The following RBP4 variants were observed in gnomAD, a reference collection of about 807,000 sequenced individuals.
RBP4 encodes retinol binding protein 4.
In RBP4, 9 loss-of-function variants were observed where a neutral mutation model predicts 26.2. The observed-to-expected ratio is 0.34, with a 90% CI of 0.21 to 0.60. The LOEUF is 0.60. Ranked by LOEUF, RBP4 falls within the 20% of genes least tolerant of loss-of-function variation. RBP4 has a pLI of 0.80. For synonymous variants in RBP4, 114 were observed against 111.0 expected (o/e 1.03, Z -0.17); for missense variants, 244 against 271.3 (o/e 0.90, Z 0.71).
chr10:93,601,743 A>T (rs901259584), upstream of RBP4: 1 of 773,388 alleles, frequency 1.3e-6, no homozygotes, highest in African/African-American at 1.7e-5. Context: ...TTTATAAAGG[A>T]TGTATTTTAC....
At chr10:93,600,251 G>A in intron 4 of RBP4, 142 bp downstream of exon 4, 3 of 763,024 alleles carry the variant, frequency 3.9e-6, no homozygotes, top group East Asian at 2.6e-5. Flanking sequence ...CTAACCTCAG[G>A]TGGTGCTGCG....
intron 5 of RBP4, among the ~76,000 whole-genome samples, chr10:93,593,307 A>G (rs2058278969): frequency 6.6e-6 from 1 of 151,886 alleles, no homozygotes; most frequent in South Asian, 2.1e-4. Flanking sequence ...GAATCTCAAA[A>G]CCCCCAACTG....
intron 5 of RBP4, among the ~76,000 whole-genome samples, chr10:93,592,709 T>G (rs1182952639): frequency 6.6e-6 from 1 of 152,186 alleles, no homozygotes; most frequent in Non-Finnish European, 1.5e-5. Flanking sequence ...TACATTTAAT[T>G]TTGAAGGGTG....
At chr10:93,599,458 A>C (rs2058322092) in intron 4 of RBP4, among the ~76,000 whole-genome samples, 1 of 152,126 alleles carries the variant, frequency 6.6e-6, no homozygotes, top group South Asian at 2.1e-4. Flanking sequence ...GAAGAGCTCA[A>C]ACAATACTTT....
At position 93,600,270 on chromosome 10, in the gene RBP4, A is replaced by C. The variant is rs36014035; in HGVS notation, c.355+123T>G. 326,935 of 871,908 alleles carry C rather than the reference A, an allele frequency of 0.37. 64,371 individuals are homozygous for C. The highest frequency in any genetic ancestry group is 0.48 in the Middle Eastern group (2,237 of 4,676). 54.0% of individuals were successfully genotyped at this position (871,908 alleles called of 1,614,324 possible). On this transcript the variant is annotated intron_variant, in intron 4 of 5. Coordinates refer to ENST00000371464, the MANE Select transcript of RBP4 (RefSeq NM_006744.4). ...CCTCAGGTGGTGCTGCGGGTTCCTG[A>C]CACTTCCAGACCTTTCCGCAGGCCA...
chr10:93,592,539 A>G (rs2058274008), intron 5 of RBP4, among the ~76,000 whole-genome samples: 1 of 152,150 alleles, frequency 6.6e-6, no homozygotes, highest in Non-Finnish European at 1.5e-5. Context: ...GGCACAAGGG[A>G]CTTCAGAGTC....
chr10:93,599,247 TA>T (rs1034604837), intron 4 of RBP4, among the ~76,000 whole-genome samples: 13 of 144,098 alleles, frequency 9.0e-5, no homozygotes, highest in East Asian at 2.0e-4. Context: ...ACCCTGTCTC[TA>T]AAAAAAAAAT....
chr10:93,591,709 A>C lies in RBP4; in HGVS notation c.*366T>G, dbSNP rs1387117348. On this transcript the variant is annotated 3_prime_UTR_variant, in exon 6 of 6. Coordinates refer to ENST00000371464, the MANE Select transcript of RBP4 (RefSeq NM_006744.4). Reference sequence around the variant, plus strand: ...TTTCAGGAAGTTGGGAGAAGCCAGTATTTAATAATGGAGATTAGGCACTAG... The same window carrying C: ...TTTCAGGAAGTTGGGAGAAGCCAGTCTTTAATAATGGAGATTAGGCACTAG... 1.4e-5 allele frequency: 3 copies of C among 216,926 alleles called. No homozygotes were observed. Among genetic ancestry groups the C allele is most frequent in the Non-Finnish European group, 2.8e-5 (3 of 108,140 alleles). The allele number at this position is 216,926 out of a possible 1,614,324, so 13.4% of individuals were successfully genotyped here.
At chr10:93,601,433 G>A, upstream of RBP4, 1 of 1,203,860 alleles carries the variant, frequency 8.3e-7, no homozygotes, top group Non-Finnish European at 1.1e-6. Context: ...ACAGTGGAGC[G>A]GCCGCGCGGG....
intron 5 of RBP4, 106 bp downstream of exon 5, chr10:93,593,717 T>G: frequency 7.5e-7 from 1 of 1,334,644 alleles, no homozygotes; most frequent in Non-Finnish European, 1.1e-6. Context: ...AGAACCCCTG[T>G]TTTCTCTGGG....
At chr10:93,601,092 C>T (rs2058335474) in intron 1 of RBP4, 46 bp from the exon 2 acceptor site, 1 of 1,578,126 alleles carries the variant, frequency 6.3e-7, no homozygotes, top group African/African-American at 1.4e-5. Context: ...CGACCCCCGC[C>T]GCCGTATCCC....
At chr10:93,601,684 G>C (rs765796139), upstream of RBP4, 3 of 779,104 alleles carry the variant, frequency 3.9e-6, 1 homozygote, top group South Asian at 4.0e-5. Flanking sequence ...GCCTTCTGAG[G>C]TCCACTTGTG....
chr10:93,600,978 G>A lies in RBP4; in HGVS notation c.51C>T (p.Arg17=). 1.2e-6 allele frequency: 2 copies of A among 1,612,302 alleles called. No individual in the cohort carries two copies. Among genetic ancestry groups the A allele is most frequent in the Non-Finnish European group, 1.7e-6 (2 of 1,179,736 alleles). Residue 17 remains arginine, a synonymous_variant, in exon 2 of 6, where the codon CGC becomes CGT. Transcript: ENST00000371464. The part of the protein sequence containing the change: ...LLLLAALGSG[R]AERDCRVSSF... ...TGCTCACTCGGCAGTCGCGCTCCGC[G>A]CGGCCGCTGCCCAGCGCCGCCAACA...
chr10:93,601,368 C>A (rs2058338492), upstream of RBP4: 1 of 1,248,828 alleles, frequency 8.0e-7, no homozygotes, highest in Non-Finnish European at 1.0e-6. Context: ...TCACCGGAGC[C>A]CGGGCACGGG....
At chr10:93,596,418 T>A (rs1277647973) in intron 4 of RBP4, among the ~76,000 whole-genome samples, 2 of 152,150 alleles carry the variant, frequency 1.3e-5, no homozygotes, top group African/African-American at 4.8e-5. Context: ...CTCTCCCTTT[T>A]AAGAGTATTT....
At chr10:93,593,734 A>G in intron 5 of RBP4, 89 bp downstream of exon 5, 1 of 1,434,028 alleles carries the variant, frequency 7.0e-7, no homozygotes, top group Non-Finnish European at 9.7e-7. Flanking sequence ...TGGGGTACGG[A>G]CAAAATGAAT....
chr10:93,599,989 G>C (rs115984006), intron 4 of RBP4, among the ~76,000 whole-genome samples: 11,829 of 152,140 alleles, frequency 0.078, 565 homozygotes, highest in Middle Eastern at 0.1. Context: ...GGGCTCTCTC[G>C]GCCTCTGTGG....
chr10:93,593,764 C>T, intron 5 of RBP4, 59 bp downstream of exon 5: 1 of 1,570,638 alleles, frequency 6.4e-7, no homozygotes, highest in Non-Finnish European at 8.7e-7. Flanking sequence ...ACGTGGGCCC[C>T]TTAGTCCAAA....
intron 4 of RBP4, among the ~76,000 whole-genome samples, chr10:93,594,490 G>A (rs1294731612): frequency 3.3e-5 from 5 of 152,096 alleles, no homozygotes; most frequent in Admixed American, 3.3e-4. Flanking sequence ...GATCTCTATC[G>A]CTGGTTCCTA....
Sources: gnomAD v4.1 joint callset for allele counts (sites outside exome capture counted in the v4.1 genomes callset) on GRCh38, gnomAD v4.1.1 for gene constraint, MANE v1.5 for transcripts, NCBI Gene and HGNC (gene_info 2026-07-23, HGNC 2026-07-21) for gene names.